Variants in NHLRC2 observed in about 807,000 individuals in gnomAD.
NHLRC2 encodes the protein NHL repeat containing 2, also known as NHL repeat-containing protein 2.
NHLRC2 carries 33 observed loss-of-function variants against 68.1 expected under a neutral mutation model. The ratio of observed to expected loss-of-function variants is 0.48; its 90% CI spans 0.37 to 0.65. The LOEUF is 0.65. NHLRC2 is among the 30% of genes least tolerant of loss of function. The pLI is 0.00. For synonymous variants in NHLRC2, 311 were observed against 309.6 expected (o/e 1.00, Z -0.05); for missense variants, 761 against 853.8 (o/e 0.89, Z 1.35).
At chr10:113,891,686 C>G (rs1051478561) in intron 5 of NHLRC2, among the ~76,000 whole-genome samples, 11 of 152,162 alleles carry the variant, frequency 7.2e-5, no homozygotes, top group Non-Finnish European at 1.5e-4. Flanking sequence ...TACAATGAAG[C>G]CACATGGTGG....
At position 113,876,610 on chromosome 10, in the gene NHLRC2, A is replaced by G. The variant is rs1307322764; in HGVS notation, c.421A>G (p.Ile141Val). The stretch of plus-strand genomic sequence containing the variant: ...TAAGAGTGCTGTTCTTCGATACAAC[A>G]TCACCCACCCTATGGTTAATGATGC... ...NIKSAVLRYN[I>V]THPMVNDADA... Residue 141 changes from isoleucine (I) to valine (V), a missense_variant, in exon 3 of 11, where the codon ATC becomes GTC. By Grantham distance (29) the Ile-to-Val change is conservative. Coordinates refer to ENST00000369301, the MANE Select transcript of NHLRC2 (RefSeq NM_198514.4). The G allele has an allele frequency of 1.9e-6, 3 of 1,613,798 alleles. No individual in the cohort carries two copies. Among genetic ancestry groups the G allele is most frequent in the Non-Finnish European group, 2.5e-6 (3 of 1,179,764 alleles).
chr10:113,872,524 T>G (rs908373202), intron 2 of NHLRC2, among the ~76,000 whole-genome samples: 7 of 152,038 alleles, frequency 4.6e-5, no homozygotes, highest in Non-Finnish European at 1.0e-4. Flanking sequence ...TTAAATATCC[T>G]TAGTCAGCAT....
chr10:113,865,352 G>A (rs1845856785), intron 2 of NHLRC2, among the ~76,000 whole-genome samples: 2 of 149,130 alleles, frequency 1.3e-5, no homozygotes, highest in Non-Finnish European at 3.0e-5. Context: ...TGATTTGCTG[G>A]CCCAATAACT....
At position 113,894,259 on chromosome 10, in the gene NHLRC2, G is replaced by A. The variant is rs953929558; in HGVS notation, c.1040-3851G>A. Among the ~76,000 whole-genome samples the A allele has an allele frequency of 3.9e-5, 6 of 152,116 alleles. 1 individual carries two copies. The highest frequency in any genetic ancestry group is 3.9e-4 in the Admixed American group (6 of 15,266). ...ACCCATAAGGTCCTAACATTGGCTGGAGCTGACTTTTCAATCAAGATAAGT... is the reference window on the plus strand; with the variant it reads ...ACCCATAAGGTCCTAACATTGGCTGAAGCTGACTTTTCAATCAAGATAAGT... On this transcript the variant is annotated intron_variant, in intron 5 of 10. Transcript: ENST00000369301.
intron 2 of NHLRC2, among the ~76,000 whole-genome samples, chr10:113,865,955 T>G (rs1845864010): frequency 6.6e-6 from 1 of 152,226 alleles, no homozygotes; most frequent in East Asian, 1.9e-4. Context: ...TCTGCAGCAG[T>G]GCTATTTATG....
At position 113,876,863 on chromosome 10, in the gene NHLRC2, T is replaced by A; in HGVS notation, c.674T>A (p.Phe225Tyr). The change falls in exon 3 of 11, where the codon TTT (phenylalanine) becomes TAT (tyrosine). Residue 225 changes from phenylalanine (F) to tyrosine (Y), a missense_variant. Coordinates refer to ENST00000369301, the MANE Select transcript of NHLRC2 (RefSeq NM_198514.4). ...TCTTTGCCACCTTCACCATTGCTAT[T>A]TCCTGGCAAAGTAACAGTAGACCAA... ...KDSLPPSPLL[F>Y]PGKVTVDQVT... 1 of 1,612,798 alleles carries A rather than the reference T, an allele frequency of 6.2e-7. No homozygotes were observed. The highest frequency in any genetic ancestry group is 8.5e-7 in the Non-Finnish European group (1 of 1,179,036).
At chr10:113,885,935 G>A (rs552777647) in intron 5 of NHLRC2, among the ~76,000 whole-genome samples, 1 of 152,032 alleles carries the variant, frequency 6.6e-6, no homozygotes, top group South Asian at 2.1e-4. Flanking sequence ...ATCCATATGG[G>A]AAAAGAAAAG....
intron 2 of NHLRC2, among the ~76,000 whole-genome samples, chr10:113,874,088 T>G (rs971477823): frequency 1.3e-5 from 2 of 152,206 alleles, no homozygotes; most frequent in Admixed American, 6.5e-5. Flanking sequence ...TCTTTGCTGT[T>G]TTATTTTCAT....
intron 8 of NHLRC2, among the ~76,000 whole-genome samples, chr10:113,902,959 G>A (rs1846241354): frequency 6.6e-6 from 1 of 152,176 alleles, no homozygotes; most frequent in African/African-American, 2.4e-5. Flanking sequence ...TACAGTGCTT[G>A]TTAGTAAATA....
chr10:113,865,692 T>C (rs1201977519), intron 2 of NHLRC2, among the ~76,000 whole-genome samples: 1 of 151,890 alleles, frequency 6.6e-6, no homozygotes, highest in Non-Finnish European at 1.5e-5. Context: ...TTAAAAAATA[T>C]TTTGTAAGTA....
intron 2 of NHLRC2, among the ~76,000 whole-genome samples, chr10:113,868,054 T>A (rs957558671): frequency 2.0e-5 from 3 of 152,166 alleles, no homozygotes; most frequent in Non-Finnish European, 4.4e-5. Context: ...ACTGGTGCGA[T>A]CACAGCTCAC....
At chr10:113,907,987 A>G (rs1433885048) in intron 10 of NHLRC2, among the ~76,000 whole-genome samples, 2 of 152,314 alleles carry the variant, frequency 1.3e-5, no homozygotes, top group African/African-American at 2.4e-5. Context: ...AAGGCTTTAT[A>G]GCCATATTTG....
In NHLRC2 at chr10:113,884,184, T is replaced by C. The variant is rs1383929175; in HGVS notation, c.910-67T>C. 5 of 1,477,870 alleles carry C rather than the reference T, an allele frequency of 3.4e-6. No individual in the cohort carries two copies. The Admixed American group carries it at 9.3e-5, about 27-fold the overall frequency. The allele number at this position is 1,477,870 out of a possible 1,614,324, so 91.5% of individuals were successfully genotyped here. ...ATGTTCTATTGACTATTGAAAATCT[T>C]TACACAGCAAAAGACAAAAGCAAAA... On this transcript the variant is annotated intron_variant, in intron 4 of 10. Transcript: ENST00000369301.
intron 2 of NHLRC2, among the ~76,000 whole-genome samples, chr10:113,873,046 G>A (rs1055916960): frequency 2.6e-5 from 4 of 152,056 alleles, no homozygotes; most frequent in Non-Finnish European, 5.9e-5. Context: ...AACAAAGAAC[G>A]TAACTTACAA....
chr10:113,883,721 C>T (rs1846056527), intron 4 of NHLRC2, among the ~76,000 whole-genome samples: 1 of 151,912 alleles, frequency 6.6e-6, no homozygotes, highest in Non-Finnish European at 1.5e-5. Flanking sequence ...GACTTACTAA[C>T]TGTGGGACAT....
rs1277263026 is a variant in NHLRC2 at position 113,910,327 on chromosome 10, A to G, written c.*1791A>G. 1 of 152,186 alleles carries G rather than the reference A, an allele frequency of 6.6e-6. No individual in the cohort carries two copies. Among genetic ancestry groups the G allele is most frequent in the Non-Finnish European group, 1.5e-5 (1 of 68,080 alleles). 9.4% of individuals were successfully genotyped at this position (152,186 alleles called of 1,614,324 possible). The stretch of plus-strand genomic sequence containing the variant: ...GAGATTTTCCTGCCTCAGCCTCCCA[A>G]GTAGCTGGGATTACAGGCGTACACC... On this transcript the variant is annotated 3_prime_UTR_variant, in exon 11 of 11. Transcript: ENST00000369301.
At chr10:113,874,368 C>A (rs1001598733) in intron 2 of NHLRC2, among the ~76,000 whole-genome samples, 5 of 151,986 alleles carry the variant, frequency 3.3e-5, no homozygotes, top group African/African-American at 1.2e-4. Flanking sequence ...CTCCTCCCCA[C>A]CACCTTTACC....
intron 6 of NHLRC2, among the ~76,000 whole-genome samples, chr10:113,898,542 CTACT>C (rs1426626467): frequency 2.0e-5 from 3 of 152,200 alleles, no homozygotes; most frequent in Non-Finnish European, 2.9e-5. Flanking sequence ...CACGTCACTT[CTACT>C]TACATTTTAT....
chr10:113,859,179 A>G (rs767920677), intron 2 of NHLRC2, among the ~76,000 whole-genome samples: 1 of 152,142 alleles, frequency 6.6e-6, no homozygotes, highest in South Asian at 2.1e-4. Flanking sequence ...ATGATTTATT[A>G]CAGCTAATGT....
Sources: allele counts gnomAD v4.1 joint callset (sites outside exome capture counted in the v4.1 genomes callset), GRCh38; gene constraint gnomAD v4.1.1; transcripts MANE v1.5; gene names NCBI Gene and HGNC (gene_info 2026-07-23, HGNC 2026-07-21).